The following CDH12 variants were observed in gnomAD, a reference collection of about 807,000 sequenced individuals.
CDH12 encodes cadherin 12.
A neutral mutation model predicts 74.1 loss-of-function variants in CDH12; 41 were observed. The observed-to-expected ratio is 0.55, with a 90% confidence interval of 0.43 to 0.72. CDH12 has a LOEUF of 0.72. Ranked by LOEUF, CDH12 falls within the 30% of genes least tolerant of loss-of-function variation. CDH12 has a pLI of 0.00. For missense variants in CDH12, 945 were observed against 977.2 expected (o/e 0.97, Z 0.44); for synonymous variants, 399 against 355.0 (o/e 1.12, Z -1.39).
chr5:21,947,522 C>G (rs1249550216), intron 6 of CDH12, among the ~76,000 whole-genome samples: 2 of 152,144 alleles, frequency 1.3e-5, no homozygotes, highest in African/African-American at 4.8e-5. Flanking sequence ...AGCATTTTGC[C>G]CCTGTCCTAG....
intron 4 of CDH12, among the ~76,000 whole-genome samples, chr5:22,191,781 G>C (rs1470298788): frequency 6.6e-6 from 1 of 151,568 alleles, no homozygotes; most frequent in African/African-American, 2.4e-5. Flanking sequence ...AGCCGGGATG[G>C]TCTCGATCTC....
At chr5:21,772,502 T>C (rs942412746) in intron 11 of CDH12, among the ~76,000 whole-genome samples, 6 of 152,176 alleles carry the variant, frequency 3.9e-5, no homozygotes, top group African/African-American at 1.4e-4. Context: ...CTTTTTACCT[T>C]CTTACTATTG....
chr5:22,558,362 G>T (rs554498841), intron 1 of CDH12, among the ~76,000 whole-genome samples: 2 of 152,156 alleles, frequency 1.3e-5, no homozygotes, highest in East Asian at 3.9e-4. Flanking sequence ...AGAGGTTGTT[G>T]GGTGGTTTGG....
intron 8 of CDH12, among the ~76,000 whole-genome samples, chr5:21,824,196 C>A (rs1748531127): frequency 6.6e-6 from 1 of 152,074 alleles, no homozygotes; most frequent in Non-Finnish European, 1.5e-5. Context: ...CTTTCTCTGT[C>A]CAAATTTTTA....
At chr5:22,405,585 TAAGA>T (rs903622709) in intron 2 of CDH12, among the ~76,000 whole-genome samples, 2 of 152,148 alleles carry the variant, frequency 1.3e-5, no homozygotes, top group African/African-American at 2.4e-5. Context: ...CAGCATTGCC[TAAGA>T]AAGAGAAAAT....
At chr5:21,843,584 G>T (rs1749992443) in intron 7 of CDH12, among the ~76,000 whole-genome samples, 1 of 151,032 alleles carries the variant, frequency 6.6e-6, no homozygotes, top group Non-Finnish European at 1.5e-5. Context: ...GTGCAATCTG[G>T]GCTCACTGCA....
chr5:22,440,890 G>A (rs1397041166), intron 2 of CDH12, among the ~76,000 whole-genome samples: 2 of 152,084 alleles, frequency 1.3e-5, no homozygotes, highest in Non-Finnish European at 2.9e-5. Context: ...TTACAGGCAC[G>A]GAAATACGGA....
intron 3 of CDH12, among the ~76,000 whole-genome samples, chr5:22,270,740 C>T (rs975224274): frequency 6.6e-5 from 10 of 151,972 alleles, no homozygotes; most frequent in Admixed American, 2.0e-4. Flanking sequence ...AGTGCAATCT[C>T]GGCTCACTGC....
intron 8 of CDH12, among the ~76,000 whole-genome samples, chr5:21,831,779 G>T (rs1371267596): frequency 6.6e-6 from 1 of 152,032 alleles, no homozygotes; most frequent in Non-Finnish European, 1.5e-5. Flanking sequence ...GGATAGAAGA[G>T]CTTTCCAATT....
At chr5:21,977,229 T>C (rs1266578133) in intron 5 of CDH12, among the ~76,000 whole-genome samples, 2 of 152,070 alleles carry the variant, frequency 1.3e-5, no homozygotes, top group Middle Eastern at 3.2e-3. Flanking sequence ...ATAAAGAAAA[T>C]TGTTATGAAT....
chr5:22,672,359 G>A (rs2126915828), intron 1 of CDH12, among the ~76,000 whole-genome samples: 1 of 151,862 alleles, frequency 6.6e-6, no homozygotes, highest in Admixed American at 6.6e-5. Context: ...GTGCTGGAAA[G>A]TTAATTGCTG....
At chr5:21,971,760 C>A (rs1756864403) in intron 6 of CDH12, among the ~76,000 whole-genome samples, 1 of 152,096 alleles carries the variant, frequency 6.6e-6, no homozygotes, top group African/African-American at 2.4e-5. Flanking sequence ...TTCATAAAGT[C>A]CAAACTTGTC....
rs113082514 is a variant in CDH12 at position 22,490,326 on chromosome 5, C to T, written c.-428+14944G>A. On this transcript the variant is annotated intron_variant, in intron 2 of 14. Coordinates refer to ENST00000382254, the MANE Select transcript of CDH12 (RefSeq NM_004061.5). ...ATTCTCTTATAATATTGCTTTCACT[C>T]CTTCTATACTGATTCTAATTTTGCT... 7.0e-3 allele frequency among the ~76,000 whole-genome samples: 1,068 copies of T among 152,220 alleles called. 13 individuals are homozygous for T. The highest frequency in any genetic ancestry group is 0.024 in the African/African-American group (997 of 41,536).
intron 1 of CDH12, among the ~76,000 whole-genome samples, chr5:22,831,955 G>T (rs1401283591): frequency 6.6e-6 from 1 of 151,936 alleles, no homozygotes; most frequent in Non-Finnish European, 1.5e-5. Flanking sequence ...TTTTTGAAAG[G>T]TACTTAGAAT....
chr5:22,531,531 A>T (rs1389830701), intron 1 of CDH12, among the ~76,000 whole-genome samples: 1 of 152,170 alleles, frequency 6.6e-6, no homozygotes, highest in Non-Finnish European at 1.5e-5. Flanking sequence ...TGCAAAACAT[A>T]GGATGCACCT....
chr5:22,526,916 C>A (rs79939449), intron 1 of CDH12, among the ~76,000 whole-genome samples: 5,581 of 152,226 alleles, frequency 0.037, 165 homozygotes, highest in Non-Finnish European at 0.055. Flanking sequence ...TCCAATTATT[C>A]ATTTCCCACC....
chr5:21,924,063 A>G (rs1198140108), intron 6 of CDH12, among the ~76,000 whole-genome samples: 1 of 152,216 alleles, frequency 6.6e-6, no homozygotes, highest in East Asian at 1.9e-4. Flanking sequence ...ACTTGAAGTC[A>G]TCAGTGCTCA....
At chr5:22,128,606 T>C (rs1369291384) in intron 4 of CDH12, among the ~76,000 whole-genome samples, 1 of 152,206 alleles carries the variant, frequency 6.6e-6, no homozygotes, top group Non-Finnish European at 1.5e-5. Flanking sequence ...TTTAAAATTT[T>C]GATAAAAGAG....
intron 1 of CDH12, among the ~76,000 whole-genome samples, chr5:22,594,864 G>A (rs982666452): frequency 1.3e-5 from 2 of 152,136 alleles, no homozygotes; most frequent in African/African-American, 4.8e-5. Flanking sequence ...GAAATTTAGT[G>A]CAAAATGTAT....
Sources: gnomAD v4.1 joint callset for allele counts (sites outside exome capture counted in the v4.1 genomes callset) on GRCh38, gnomAD v4.1.1 for gene constraint, MANE v1.5 for transcripts, NCBI Gene and HGNC (gene_info 2026-07-23, HGNC 2026-07-21) for gene names.